The following BPNT2 variants were observed in gnomAD, a reference collection of about 807,000 sequenced individuals.
BPNT2 encodes 3'(2'), 5'-bisphosphate nucleotidase 2.
Under a neutral mutation model 29.3 loss-of-function variants are expected in BPNT2, and 11 were observed. That is an observed-to-expected ratio of 0.38 (90% CI 0.24 to 0.62). The LOEUF (loss-of-function observed/expected upper bound fraction) is 0.62, where lower values mean the gene tolerates loss of function less well. Among genes scored for constraint, BPNT2 ranks in the 20% least tolerant of loss-of-function variants. BPNT2 has a pLI of 0.62. For missense variants in BPNT2, 459 were observed against 473.4 expected (o/e 0.97, Z 0.28); for synonymous variants, 195 against 187.7 (o/e 1.04, Z -0.32).
chr8:56,991,329 T>TTCAA (rs142743711), intron 1 of BPNT2, among the ~76,000 whole-genome samples: 3,387 of 152,352 alleles, frequency 0.022, 41 homozygotes, highest in Non-Finnish European at 0.031. Flanking sequence ...AGCCAGAGAC[T>TTCAA]TCAACATCTG....
chr8:56,964,295 T>G, intron 4 of BPNT2: 1 of 360,728 alleles, frequency 2.8e-6, no homozygotes. Flanking sequence ...ATTGTTTATT[T>G]TTATTTATTT....
intron 1 of BPNT2, among the ~76,000 whole-genome samples, chr8:56,983,349 T>A (rs1193198766): frequency 3.9e-5 from 6 of 152,114 alleles, no homozygotes; most frequent in African/African-American, 1.4e-4. Flanking sequence ...CATCTAGAAG[T>A]GCATTCTAGC....
At position 56,971,380 on chromosome 8, in the gene BPNT2, G is replaced by T. The variant is rs142982215; in HGVS notation, c.647-5028C>A. On this transcript the variant is annotated intron_variant, in intron 3 of 4. Transcript: ENST00000262644. ...TATTAATAGCTATAAAATTTCCACC[G>T]AGTGAATATACACTTGACCCTTGAA... 7.7e-4 allele frequency among the ~76,000 whole-genome samples: 117 copies of T among 151,288 alleles called. No homozygotes were observed. In the East Asian group the frequency reaches 0.022, roughly 28 times the overall value.
intron 1 of BPNT2, among the ~76,000 whole-genome samples, chr8:56,983,242 G>A (rs1370800583): frequency 6.6e-6 from 1 of 152,168 alleles, no homozygotes; most frequent in Non-Finnish European, 1.5e-5. Context: ...ATGCTGCAAT[G>A]AAGTTGTTTT....
chr8:56,967,281 G>A, intron 3 of BPNT2: 1 of 456,126 alleles, frequency 2.2e-6, no homozygotes, highest in African/African-American at 2.0e-5. Flanking sequence ...CAAGAATGAT[G>A]GCAGTCTCCT....
At chr8:56,993,125 C>G in intron 1 of BPNT2, 74 bp downstream of exon 1, 1 of 1,544,038 alleles carries the variant, frequency 6.5e-7, no homozygotes, top group Non-Finnish European at 8.7e-7. Flanking sequence ...AGCTCCACAT[C>G]CCATACTGTT....
intron 3 of BPNT2, among the ~76,000 whole-genome samples, chr8:56,975,382 T>C (rs769180360): frequency 2.0e-5 from 3 of 152,162 alleles, no homozygotes; most frequent in Non-Finnish European, 2.9e-5. Context: ...CTAACTGATA[T>C]AGCGAGATAA....
chr8:56,978,859 G>C (rs552763999), intron 2 of BPNT2, among the ~76,000 whole-genome samples: 1 of 152,134 alleles, frequency 6.6e-6, no homozygotes, highest in South Asian at 2.1e-4. Flanking sequence ...TGGACACATA[G>C]AGGGGAACAC....
chr8:56,976,849 C>T (rs1029742768), intron 3 of BPNT2, among the ~76,000 whole-genome samples: 3 of 152,088 alleles, frequency 2.0e-5, no homozygotes, highest in Admixed American at 6.6e-5. Flanking sequence ...TATCAGTGTC[C>T]TAAAGCTGCC....
rs1033986413 is a variant in BPNT2, at chr8:56,993,606, C to G, written c.-21G>C. 1.1e-5 allele frequency: 15 copies of G among 1,410,922 alleles called. No homozygotes were observed. Among genetic ancestry groups the G allele is most frequent in the Admixed American group, 7.7e-5 (3 of 38,988 alleles). 87.4% of individuals were successfully genotyped at this position (1,410,922 alleles called of 1,614,324 possible). On this transcript the variant is annotated 5_prime_UTR_variant, in exon 1 of 5. Transcript: ENST00000262644. The stretch of plus-strand genomic sequence containing the variant: ...GCCATGGCGTGGGAAGCCGGGCGCT[C>G]CGGGCTGCGGCTCTCACAGGCCTCC...
chr8:56,982,948 T>C (rs1287549993), intron 1 of BPNT2, among the ~76,000 whole-genome samples: 1 of 152,208 alleles, frequency 6.6e-6, no homozygotes, highest in Non-Finnish European at 1.5e-5. Flanking sequence ...AAATCATGGA[T>C]GAACCCCCTT....
In BPNT2 at chr8:56,963,750, A is replaced by G. The variant is rs1313595386; in HGVS notation, c.*43T>C. 1.2e-6 allele frequency: 2 copies of G among 1,610,338 alleles called. No homozygotes were observed. Among genetic ancestry groups the G allele is most frequent in the Non-Finnish European group, 1.7e-6 (2 of 1,176,958 alleles). On this transcript the variant is annotated 3_prime_UTR_variant, in exon 5 of 5. Coordinates refer to ENST00000262644, the MANE Select transcript of BPNT2 (RefSeq NM_017813.5). ...TTGAAGCTTCCAGCATCTCAGGCTAACCATTTCAGCTGTGAAGAACTGTAC... is the reference window on the plus strand; with the variant it reads ...TTGAAGCTTCCAGCATCTCAGGCTAGCCATTTCAGCTGTGAAGAACTGTAC...
rs1805767036 is a variant in BPNT2 at position 56,958,076 on chromosome 8, CA to C, written c.*5716del. 1 of 151,656 alleles carries C rather than the reference CA, an allele frequency of 6.6e-6. No homozygotes were observed. The highest frequency in any genetic ancestry group is 2.4e-5 in the African/African-American group (1 of 41,190). 9.4% of individuals were successfully genotyped at this position (151,656 alleles called of 1,614,324 possible). A position where few individuals can be genotyped will look rare whatever the true frequency, so the allele number is the denominator to read the frequency against. ...CCTGGGGTAGTATCTGAAGGAAAGG[CA>C]AAACTTTTAAAAACAATTTAGTATG... On this transcript the variant is annotated 3_prime_UTR_variant, in exon 5 of 5. Coordinates refer to ENST00000262644, the MANE Select transcript of BPNT2 (RefSeq NM_017813.5).
intron 1 of BPNT2, among the ~76,000 whole-genome samples, chr8:56,986,757 C>T (rs1463124352): frequency 6.6e-6 from 1 of 152,142 alleles, no homozygotes; most frequent in Non-Finnish European, 1.5e-5. Context: ...TGTTAAATAT[C>T]TCATGTAATT....
intron 3 of BPNT2, among the ~76,000 whole-genome samples, chr8:56,972,371 GT>G (rs1460258405): frequency 1.3e-5 from 2 of 151,308 alleles, no homozygotes; most frequent in Non-Finnish European, 2.9e-5. Flanking sequence ...ACAGATTGAG[GT>G]CTGTAACTGT....
chr8:56,959,430 C>A lies in BPNT2; in HGVS notation c.*4363G>T, dbSNP rs1482373013. 6.6e-6 allele frequency: 1 copy of A among 152,176 alleles called. No homozygotes were observed. Among genetic ancestry groups the A allele is most frequent in the African/African-American group, 2.4e-5 (1 of 41,448 alleles). 9.4% of individuals were successfully genotyped at this position (152,176 alleles called of 1,614,324 possible). On this transcript the variant is annotated 3_prime_UTR_variant, in exon 5 of 5. Transcript: ENST00000262644. Reference sequence around the variant, plus strand: ...TATAAAGTTCCATTCTTCTTGCCCTCTCAGAACTGCCAATCAATTAGAATC... The same window carrying A: ...TATAAAGTTCCATTCTTCTTGCCCTATCAGAACTGCCAATCAATTAGAATC...
intron 1 of BPNT2, among the ~76,000 whole-genome samples, chr8:56,987,860 G>T (rs1354791417): frequency 6.6e-6 from 1 of 151,494 alleles, no homozygotes; most frequent in Non-Finnish European, 1.5e-5. Flanking sequence ...TCCCGAGCAG[G>T]TGGGACTACA....
intron 4 of BPNT2, among the ~76,000 whole-genome samples, chr8:56,965,266 C>T (rs1167700449): frequency 6.6e-6 from 1 of 152,120 alleles, no homozygotes; most frequent in Non-Finnish European, 1.5e-5. Context: ...TTGCGATGAG[C>T]CTAGATCACA....
intron 3 of BPNT2, among the ~76,000 whole-genome samples, chr8:56,970,051 CAG>C (rs1806006629): frequency 6.6e-6 from 1 of 152,070 alleles, no homozygotes; most frequent in South Asian, 2.1e-4. Flanking sequence ...GTAGAAACAA[CAG>C]AAACAGAAAA....
Sources: allele counts gnomAD v4.1 joint callset (sites outside exome capture counted in the v4.1 genomes callset), GRCh38; gene constraint gnomAD v4.1.1; transcripts MANE v1.5; gene names NCBI Gene and HGNC (gene_info 2026-07-23, HGNC 2026-07-21).